Variants in PLPPR1 observed in about 807,000 individuals in gnomAD.
The protein encoded by PLPPR1 is phospholipid phosphatase-related protein type 1.
A neutral mutation model predicts 33.1 loss-of-function variants in PLPPR1; 10 were observed. The observed-to-expected ratio is 0.30, with a 90% CI of 0.19 to 0.51. The LOEUF (loss-of-function observed/expected upper bound fraction) is 0.51. PLPPR1 is among the 20% of genes least tolerant of loss of function. PLPPR1 has a pLI of 0.97. For synonymous variants in PLPPR1, 151 were observed against 151.0 expected, an observed-to-expected ratio of 1.00 and a Z score of 0.00; for missense variants, 304 against 408.1, an observed-to-expected ratio of 0.74 and a Z score of 2.20.
intron 1 of PLPPR1, among the ~76,000 whole-genome samples, chr9:101,040,590 G>A (rs957962979): frequency 4.6e-5 from 7 of 152,124 alleles, no homozygotes; most frequent in African/African-American, 1.7e-4. Context: ...TGGAATGCCT[G>A]TTCTGCAAAA....
rs370817869 is a variant in PLPPR1 at position 101,170,492 on chromosome 9, C to G, written c.-45-14958C>G. Among the ~76,000 whole-genome samples, 34 of 152,278 alleles carry G rather than the reference C, an allele frequency of 2.2e-4. 2 individuals carry two copies. The highest frequency in any genetic ancestry group is 1.5e-3 in the South Asian group (7 of 4,816). On this transcript the variant is annotated intron_variant, in intron 1 of 7. Coordinates refer to ENST00000374874, the MANE Select transcript of PLPPR1 (RefSeq NM_207299.2). ...TTCAATTACCTCCCACTGGGTCCCT[C>G]CCATGACACGTGAGATTGTGGGAGC...
intron 1 of PLPPR1, among the ~76,000 whole-genome samples, chr9:101,115,737 G>A (rs886285806): frequency 6.6e-6 from 1 of 152,060 alleles, no homozygotes; most frequent in Admixed American, 6.6e-5. Context: ...TAATGAAAGG[G>A]ATTTCTTGCT....
chr9:101,147,786 G>A lies in PLPPR1; in HGVS notation c.-45-37664G>A, dbSNP rs111997410. On this transcript the variant is annotated intron_variant, in intron 1 of 7. Transcript: ENST00000374874. Reference sequence around the variant, plus strand: ...CTCTCATTATCCTGTCAAATCCTCCGAAGAACCCTGTGGGATATTAACATC... The same window carrying A: ...CTCTCATTATCCTGTCAAATCCTCCAAAGAACCCTGTGGGATATTAACATC... Among the ~76,000 whole-genome samples, 69 of 152,266 alleles carry A rather than the reference G, an allele frequency of 4.5e-4. No homozygotes were observed. The Middle Eastern group carries it at 0.014, about 30-fold the overall frequency.
At chr9:101,148,657 A>G (rs1831548983) in intron 1 of PLPPR1, among the ~76,000 whole-genome samples, 1 of 152,098 alleles carries the variant, frequency 6.6e-6, no homozygotes, top group East Asian at 1.9e-4. Flanking sequence ...ATTCTTACCC[A>G]AAACACAATG....
chr9:101,054,351 G>A (rs974400486), intron 1 of PLPPR1, among the ~76,000 whole-genome samples: 2 of 150,162 alleles, frequency 1.3e-5, no homozygotes, highest in African/African-American at 4.8e-5. Context: ...TTCACAAAGG[G>A]TTTCAATTCA....
chr9:101,059,279 AC>A (rs1288583782), intron 1 of PLPPR1, among the ~76,000 whole-genome samples: 22 of 152,152 alleles, frequency 1.4e-4, no homozygotes, highest in Admixed American at 9.8e-4. Flanking sequence ...CCAAAAGGAG[AC>A]AAAAGCAACT....
chr9:101,101,313 T>C (rs1015917782), intron 1 of PLPPR1, among the ~76,000 whole-genome samples: 3 of 152,148 alleles, frequency 2.0e-5, no homozygotes, highest in Admixed American at 1.3e-4. Context: ...CCTTGGGTTT[T>C]CTGGCTTTTT....
At chr9:101,124,534 C>T (rs1378248273) in intron 1 of PLPPR1, among the ~76,000 whole-genome samples, 1 of 152,184 alleles carries the variant, frequency 6.6e-6, no homozygotes, top group Admixed American at 6.5e-5. Flanking sequence ...ATACCCTCAC[C>T]TCCATATTAG....
intron 1 of PLPPR1, among the ~76,000 whole-genome samples, chr9:101,088,712 A>G (rs1830706422): frequency 6.6e-6 from 1 of 152,126 alleles, no homozygotes; most frequent in East Asian, 1.9e-4. Context: ...TATTGCTCTC[A>G]CCCTGTAAAA....
intron 6 of PLPPR1, 67 bp from the exon 7 acceptor site, chr9:101,317,298 C>G (rs1829073219): frequency 6.5e-7 from 1 of 1,526,824 alleles, no homozygotes; most frequent in Admixed American, 1.9e-5. Flanking sequence ...AGGCCTGCCA[C>G]CCTCACAGAT....
At chr9:101,063,145 G>T (rs1298384056) in intron 1 of PLPPR1, among the ~76,000 whole-genome samples, 2 of 152,184 alleles carry the variant, frequency 1.3e-5, no homozygotes, top group South Asian at 2.1e-4. Flanking sequence ...TTCAGAAAGT[G>T]TAAAAGCTGC....
At chr9:101,095,822 A>C (rs1283605957) in intron 1 of PLPPR1, among the ~76,000 whole-genome samples, 3 of 152,130 alleles carry the variant, frequency 2.0e-5, no homozygotes. Context: ...AGGAGGCTGA[A>C]TTCATAATAA....
chr9:101,269,381 T>C (rs1326000359), intron 2 of PLPPR1, among the ~76,000 whole-genome samples: 1 of 152,206 alleles, frequency 6.6e-6, no homozygotes, highest in Non-Finnish European at 1.5e-5. Context: ...GATTTAGCTT[T>C]CCTGTTAATT....
chr9:101,118,128 T>C (rs1831137405), intron 1 of PLPPR1, among the ~76,000 whole-genome samples: 1 of 152,236 alleles, frequency 6.6e-6, no homozygotes. Flanking sequence ...CTTTGATTTA[T>C]GACTAACATC....
At chr9:101,252,081 A>G (rs1041712880) in intron 2 of PLPPR1, among the ~76,000 whole-genome samples, 1 of 152,154 alleles carries the variant, frequency 6.6e-6, no homozygotes, top group Non-Finnish European at 1.5e-5. Context: ...CGTTCATGGT[A>G]TCACCCTGCT....
chr9:101,197,190 C>T (rs191456582), intron 2 of PLPPR1, among the ~76,000 whole-genome samples: 9 of 152,126 alleles, frequency 5.9e-5, no homozygotes, highest in Admixed American at 1.3e-4. Context: ...ATTTTGGTCA[C>T]GCGTATCTGT....
At chr9:101,243,991 A>G (rs1827533484) in intron 2 of PLPPR1, among the ~76,000 whole-genome samples, 1 of 151,916 alleles carries the variant, frequency 6.6e-6, no homozygotes, top group African/African-American at 2.4e-5. Context: ...AATTGATGAA[A>G]GAGACTTGAG....
At chr9:101,193,596 T>C (rs572463830) in intron 2 of PLPPR1, among the ~76,000 whole-genome samples, 111 of 152,328 alleles carry the variant, frequency 7.3e-4, no homozygotes, top group African/African-American at 2.5e-3. Flanking sequence ...GTTTCAGATT[T>C]TTTATGTCCC....
At chr9:101,047,830 T>C (rs1830171794) in intron 1 of PLPPR1, among the ~76,000 whole-genome samples, 1 of 152,196 alleles carries the variant, frequency 6.6e-6, no homozygotes, top group Non-Finnish European at 1.5e-5. Context: ...CCTCCTGTCT[T>C]TGAGCAGCCC....
Sources: allele counts gnomAD v4.1 joint callset (sites outside exome capture counted in the v4.1 genomes callset), GRCh38; gene constraint gnomAD v4.1.1; transcripts MANE v1.5; gene names NCBI Gene and HGNC (gene_info 2026-07-23, HGNC 2026-07-21).